TAF1L: variants seen among roughly 807,000 people sequenced by gnomAD.
TAF1L encodes TATA-box binding protein associated factor 1 like.
A neutral mutation model predicts 128.8 loss-of-function variants in TAF1L; 30 were observed. The observed-to-expected ratio is 0.23, with a 90% CI of 0.17 to 0.32. The LOEUF (loss-of-function observed/expected upper bound fraction) is 0.32. Among genes scored for constraint, TAF1L ranks in the 10% least tolerant of loss-of-function variants. The probability of loss-of-function intolerance (pLI) is 1.00; values close to 1 mark genes in which losing one functional copy is unlikely to be tolerated. For synonymous variants in TAF1L, 764 were observed against 790.7 expected, an observed-to-expected ratio of 0.97 and a Z score of 0.57; for missense variants, 2,099 against 2,253.7, an observed-to-expected ratio of 0.93 and a Z score of 1.39.
rs1822504782 is a variant in TAF1L at position 32,630,580 on chromosome 9, T to A, written c.5000A>T (p.Asp1667Val). 2 of 1,614,096 alleles carry A rather than the reference T, an allele frequency of 1.2e-6. No homozygotes were observed. Among genetic ancestry groups the A allele is most frequent in the Admixed American group, 1.7e-5 (1 of 60,010 alleles). The change falls in exon 1 of 1, where the codon GAT becomes GTT. Residue 1667 changes from aspartate to valine, a missense_variant. Physicochemically the swap from Asp to Val is radical, Grantham distance 152. Transcript: ENST00000242310. The stretch of plus-strand genomic sequence containing the variant: ...GAGGGATGTGTTGGTATCATACATA[T>A]CAGGAGGCTGAGATGTGTAGGGCCC... ...TPGPYTSQPP[D>V]MYDTNTSLST...
Position 32,635,054 on chromosome 9 carries a change from A to G in TAF1L, c.526T>C (p.Cys176Arg), listed in dbSNP as rs1822565384. ...KKDKDQDAIT[C>R]VSESGEDIIL... Reference sequence around the variant, plus strand: ...ATGTCTTCTCCACTTTCAGACACACAGGTAATAGCATCTTGGTCCTTATCC... The same window carrying G: ...ATGTCTTCTCCACTTTCAGACACACGGGTAATAGCATCTTGGTCCTTATCC... Residue 176 changes from cysteine to arginine, a missense_variant, in exon 1 of 1, where the codon TGT (cysteine) becomes CGT (arginine). Cys to Arg is a radical substitution (Grantham distance 180, BLOSUM62 -3). Transcript: ENST00000242310. 1 of 1,614,082 alleles carries G rather than the reference A, an allele frequency of 6.2e-7. No individual in the cohort carries two copies. The highest frequency in any genetic ancestry group is 1.3e-5 in the African/African-American group (1 of 75,010).
Position 32,633,501 on chromosome 9 carries a change from T to C in TAF1L, c.2079A>G (p.Lys693=). ...ATTCTGCAAGAATAAGATCTCCATC[T>C]TTGCCTGTGAGATCCTGAGGTGTGC... The part of the protein sequence containing the change: ...FMRTPQDLTG[K]DGDLILAEYS... The change falls in exon 1 of 1, where the codon AAA becomes AAG. Residue 693 remains lysine (K), a synonymous_variant. Coordinates refer to ENST00000242310, the MANE Select transcript of TAF1L (RefSeq NM_153809.2). 1 of 1,614,224 alleles carries C rather than the reference T, an allele frequency of 6.2e-7. No homozygotes were observed. Among genetic ancestry groups the C allele is most frequent in the Non-Finnish European group, 8.5e-7 (1 of 1,180,042 alleles).
At position 32,633,263 on chromosome 9, in the gene TAF1L, G is replaced by A; in HGVS notation, c.2317C>T (p.Leu773Phe). 6.2e-7 allele frequency: 1 copy of A among 1,614,144 alleles called. No homozygotes were observed. The highest frequency in any genetic ancestry group is 8.5e-7 in the Non-Finnish European group (1 of 1,180,020). ...AAATCAGTTTCTGGCATCTTATGAA[G>A]ATACACTGGAGCACGAAAAAGGTTG... ...ENNLFRAPVY[L>F]HKMPETDFLI... The change falls in exon 1 of 1, where the codon CTT (leucine) becomes TTT (phenylalanine). Residue 773 changes from leucine to phenylalanine, a missense_variant. By Grantham distance (22) the Leu-to-Phe change is conservative. Transcript: ENST00000242310.
In TAF1L at chr9:32,634,254, G is replaced by A; in HGVS notation, c.1326C>T (p.His442=). The A allele has an allele frequency of 6.2e-7, 1 of 1,614,158 alleles. No individual in the cohort carries two copies. The change falls in exon 1 of 1, where the codon CAC becomes CAT. Residue 442 remains histidine, a synonymous_variant. Coordinates refer to ENST00000242310, the MANE Select transcript of TAF1L (RefSeq NM_153809.2). The part of the protein sequence containing the change: ...SIIWDGEDIK[H]KGTKPQGASL... The stretch of plus-strand genomic sequence containing the variant: ...TTGCACCCTGAGGTTTTGTCCCTTT[G>A]TGTTTGATATCCTCCCCATCCCAGA...
Position 32,633,147 on chromosome 9 carries a change from A to G in TAF1L, c.2433T>C (p.Pro811=), listed in dbSNP as rs1287926197. Residue 811 remains proline, a synonymous_variant, in exon 1 of 1, where the codon CCT becomes CCC. Transcript: ENST00000242310. ...TATTGGCCCTTCTGGAGTTAGGCCC[A>G]GGAACTTCAAACAAGGGACACTGCT... ...VGQQCPLFEV[P]GPNSRRANMH... 2 of 1,614,138 alleles carry G rather than the reference A, an allele frequency of 1.2e-6. No individual in the cohort carries two copies. Among genetic ancestry groups the G allele is most frequent in the Non-Finnish European group, 1.7e-6 (2 of 1,180,048 alleles).
rs774885018 is a variant in TAF1L at position 32,632,274 on chromosome 9, T to C, written c.3306A>G (p.Leu1102=). ...QNKVLSSTEV[L]STDTDSISAE... ...CTGAGATGCTGTCTGTGTCAGTTGA[T>C]AAGACCTCAGTTGATGACAGAACCT... is the stretch of plus-strand genomic sequence containing the variant. Residue 1102 remains leucine, a synonymous_variant, in exon 1 of 1, where the codon TTA becomes TTG. Coordinates refer to ENST00000242310, the MANE Select transcript of TAF1L (RefSeq NM_153809.2). The surrounding 1 kb of genome is among the most constrained non-coding windows in gnomAD (Gnocchi z 4.4). 1 of 1,614,244 alleles carries C rather than the reference T, an allele frequency of 6.2e-7. No individual in the cohort carries two copies. The highest frequency in any genetic ancestry group is 8.5e-7 in the Non-Finnish European group (1 of 1,180,050).
At position 32,635,487 on chromosome 9, in the gene TAF1L, T is replaced by C; in HGVS notation, c.93A>G (p.Gly31=). The change falls in exon 1 of 1, where the codon GGA becomes GGG. Residue 31 remains glycine, a synonymous_variant. Transcript: ENST00000242310. ...SDSDSEEDSS[G]GGPFTLAGIL... is the part of the protein sequence containing the mutation. ...TACCCGCTAAAGTAAATGGGCCACC[T>C]CCAGATGAATCTTCCTCGCTGTCCG... 1 of 1,614,114 alleles carries C rather than the reference T, an allele frequency of 6.2e-7. No homozygotes were observed. Among genetic ancestry groups the C allele is most frequent in the Non-Finnish European group, 8.5e-7 (1 of 1,180,020 alleles).
At position 32,632,942 on chromosome 9, in the gene TAF1L, A is replaced by G. The variant is rs139281774; in HGVS notation, c.2638T>C (p.Trp880Arg). 385 of 1,614,230 alleles carry G rather than the reference A, an allele frequency of 2.4e-4. No individual in the cohort carries two copies. In the Middle Eastern group the frequency reaches 4.6e-3, roughly 19 times the overall value. The change falls in exon 1 of 1, where the codon TGG becomes CGG. Residue 880 changes from tryptophan to arginine, a missense_variant. Physicochemically the swap from Trp to Arg is moderately radical, Grantham distance 101. Coordinates refer to ENST00000242310, the MANE Select transcript of TAF1L (RefSeq NM_153809.2). This position sits in a 1 kb window ranked among gnomAD's most constrained non-coding sequence, Gnocchi z 4.4. The stretch of plus-strand genomic sequence containing the variant: ...CGAAAATCAGACTTAAGCACCCACC[A>G]GTTTGAATCCATCCCTGTGCGTTTG... ...DFKRTGMDSN[W>R]WVLKSDFRLP...
rs1407454905 is a variant in TAF1L at position 32,632,318 on chromosome 9, T to C, written c.3262A>G (p.Ile1088Val). 7 of 1,614,228 alleles carry C rather than the reference T, an allele frequency of 4.3e-6. No homozygotes were observed. The highest frequency in any genetic ancestry group is 2.2e-5 in the South Asian group (2 of 91,086). ...AGAACCTTGTTCTGTAGGTCAAAGATACGCTGACATTCCTCTTTGTAACGC... is the reference window on the plus strand; with the variant it reads ...AGAACCTTGTTCTGTAGGTCAAAGACACGCTGACATTCCTCTTTGTAACGC... The part of the protein sequence containing the change: ...QERYKEECQR[I>V]FDLQNKVLSS... Residue 1088 changes from isoleucine to valine, a missense_variant, in exon 1 of 1, where the codon ATC becomes GTC. Coordinates refer to ENST00000242310, the MANE Select transcript of TAF1L (RefSeq NM_153809.2). The surrounding 1 kb of genome is among the most constrained non-coding windows in gnomAD (Gnocchi z 4.4).
In TAF1L at chr9:32,633,171, C is replaced by T. The variant is rs759958242; in HGVS notation, c.2409G>A (p.Gln803=). The T allele has an allele frequency of 1.1e-5, 18 of 1,614,070 alleles. No individual in the cohort carries two copies. Among genetic ancestry groups the T allele is most frequent in the Non-Finnish European group, 1.5e-5 (18 of 1,180,038 alleles). Reference sequence around the variant, plus strand: ...CAGGAACTTCAAACAAGGGACACTGCTGGCCAACCACAAAAATATCCACTA... The same window carrying T: ...CAGGAACTTCAAACAAGGGACACTGTTGGCCAACCACAAAAATATCCACTA... ...RELVDIFVVG[Q]QCPLFEVPGP... is the part of the protein sequence containing the mutation. Residue 803 remains glutamine (Q), a synonymous_variant, in exon 1 of 1, where the codon CAG becomes CAA. Transcript: ENST00000242310.
Position 32,633,079 on chromosome 9 carries a change from A to C in TAF1L, c.2501T>G (p.Phe834Cys). The C allele has an allele frequency of 6.2e-7, 1 of 1,614,202 alleles. No individual in the cohort carries two copies. The highest frequency in any genetic ancestry group is 1.1e-5 in the South Asian group (1 of 91,090). The change falls in exon 1 of 1, where the codon TTC (phenylalanine) becomes TGC (cysteine). Residue 834 changes from phenylalanine to cysteine, a missense_variant. By Grantham distance (205) the Phe-to-Cys change is radical. Transcript: ENST00000242310. The stretch of plus-strand genomic sequence containing the variant: ...CCGTGGCCGATCTTTACTCTTCCAG[A>C]AAAGGCGGTAAATAAAAACCTGTAG... ...DFLQVFIYRL[F>C]WKSKDRPRRI... is the part of the protein sequence containing the mutation.
Position 32,630,077 on chromosome 9 carries a change from C to T in TAF1L, c.*22G>A. ...CATGGGAAGCCTCCCCACCGTCTCCCTCATGGGACATCATGCTTTCTTCAT... is the reference window on the plus strand; with the variant it reads ...CATGGGAAGCCTCCCCACCGTCTCCTTCATGGGACATCATGCTTTCTTCAT... On this transcript the variant is annotated 3_prime_UTR_variant, in exon 1 of 1. Transcript: ENST00000242310. 1 of 1,613,812 alleles carries T rather than the reference C, an allele frequency of 6.2e-7. No homozygotes were observed. Among genetic ancestry groups the T allele is most frequent in the Non-Finnish European group, 8.5e-7 (1 of 1,179,844 alleles).
rs1176416091 is a variant in TAF1L, at chr9:32,633,465, T to C, written c.2115A>G (p.Glu705=). Residue 705 remains glutamate, a synonymous_variant, in exon 1 of 1, where the codon GAA becomes GAG. Transcript: ENST00000242310. ...CAACCTGCATCATTAAGGGTCCATT[T>C]TCCTCACTATATTCTGCAAGAATAA... ...GDLILAEYSE[E]NGPLMMQVGM... The C allele has an allele frequency of 3.7e-6, 6 of 1,614,118 alleles. 1 individual carries two copies. Among genetic ancestry groups the C allele is most frequent in the South Asian group, 2.2e-5 (2 of 91,092 alleles).
chr9:32,629,888 T>G lies in TAF1L; in HGVS notation c.*211A>C. The G allele has an allele frequency of 1.1e-6, 1 of 917,908 alleles. No homozygotes were observed. Among genetic ancestry groups the G allele is most frequent in the East Asian group, 2.6e-5 (1 of 38,086 alleles). 56.9% of individuals were successfully genotyped at this position (917,908 alleles called of 1,614,324 possible). ...TGGCCAAGCTGGTCTCGAACTGACC[T>G]CAGGTGATCCACCCGCCTCGGCCTC... On this transcript the variant is annotated 3_prime_UTR_variant, in exon 1 of 1. Transcript: ENST00000242310.
At position 32,630,190 on chromosome 9, in the gene TAF1L, TCACTTC is replaced by T. The variant is rs755228438; in HGVS notation, c.5384_5389del (p.Gly1795_Ser1796del). ...TATTCCACCATATCCCACATCAGAGTCACTTCCACTTTCACTCAGCTGGATAGCAGA... is the reference window on the plus strand; with the variant it reads ...TATTCCACCATATCCCACATCAGAGTCACTTTCACTCAGCTGGATAGCAGA... On this transcript the variant is annotated inframe_deletion, in exon 1 of 1. Coordinates refer to ENST00000242310, the MANE Select transcript of TAF1L (RefSeq NM_153809.2). 1 of 1,614,134 alleles carries T rather than the reference TCACTTC, an allele frequency of 6.2e-7. No homozygotes were observed. Among genetic ancestry groups the T allele is most frequent in the Admixed American group, 1.7e-5 (1 of 60,018 alleles).
rs749153936 is a variant in TAF1L, at chr9:32,633,135, G to A, written c.2445C>T (p.Ser815=). The change falls in exon 1 of 1, where the codon TCC becomes TCT. Residue 815 remains serine, a synonymous_variant. Transcript: ENST00000242310. Reference sequence around the variant, plus strand: ...CTCGAATATGCATATTGGCCCTTCTGGAGTTAGGCCCAGGAACTTCAAACA... The same window carrying A: ...CTCGAATATGCATATTGGCCCTTCTAGAGTTAGGCCCAGGAACTTCAAACA... ...CPLFEVPGPN[S]RRANMHIRDF... is the part of the protein sequence containing the mutation. The A allele has an allele frequency of 2.5e-6, 4 of 1,614,060 alleles. No individual in the cohort carries two copies. In the Admixed American group the frequency reaches 6.7e-5, roughly 27 times the overall value.
chr9:32,634,441 C>A lies in TAF1L; in HGVS notation c.1139G>T (p.Gly380Val), dbSNP rs770181009. 1.2e-6 allele frequency: 2 copies of A among 1,614,048 alleles called. No homozygotes were observed. The highest frequency in any genetic ancestry group is 1.7e-6 in the Non-Finnish European group (2 of 1,180,044). ...TCTCAGTTTGAAGCCATAGTCAAACCCACTGCCATCTTCGGAGACACCCAG... is the reference window on the plus strand; with the variant it reads ...TCTCAGTTTGAAGCCATAGTCAAACACACTGCCATCTTCGGAGACACCCAG... ...DMLGVSEDGS[G>V]FDYGFKLRKT... The change falls in exon 1 of 1, where the codon GGG (glycine) becomes GTG (valine). Residue 380 changes from glycine to valine, a missense_variant. By Grantham distance (109) the Gly-to-Val change is moderately radical. Around this residue, in one of 4 missense-constraint regions of TAF1L, gnomAD observed 1,213 missense variants for 1,391.4 expected, o/e 0.87. Transcript: ENST00000242310.
rs150771265 is a variant in TAF1L, at chr9:32,630,523, T to C, written c.5057A>G (p.Asp1686Gly). Reference sequence around the variant, plus strand: ...ATCCAAGACAGACAAATTGCTCTCATCTTGAAATACAGAGGCATCTCGAGA... The same window carrying C: ...ATCCAAGACAGACAAATTGCTCTCACCTTGAAATACAGAGGCATCTCGAGA... ...STSRDASVFQ[D>G]ESNLSVLDIS... The change falls in exon 1 of 1, where the codon GAT (aspartate) becomes GGT (glycine). Residue 1686 changes from aspartate to glycine, a missense_variant. By Grantham distance (94) the Asp-to-Gly change is moderately conservative. Transcript: ENST00000242310. The C allele has an allele frequency of 3.2e-4, 520 of 1,614,168 alleles. 1 individual carries two copies. The African/African-American group carries it at 6.2e-3, about 19-fold the overall frequency.
In TAF1L at chr9:32,635,265, A is replaced by G; in HGVS notation, c.315T>C (p.Asp105=). The change falls in exon 1 of 1, where the codon GAT becomes GAC. Residue 105 remains aspartate, a synonymous_variant. Coordinates refer to ENST00000242310, the MANE Select transcript of TAF1L (RefSeq NM_153809.2). Reference sequence around the variant, plus strand: ...CATTGATGTCTGAATAGTCTACAGCATCTTCTGTACTCCTAATCCACCCTT... The same window carrying G: ...CATTGATGTCTGAATAGTCTACAGCGTCTTCTGTACTCCTAATCCACCCTT... ...NDEGWIRSTE[D]AVDYSDINEV... The G allele has an allele frequency of 6.2e-7, 1 of 1,614,132 alleles. No homozygotes were observed. The highest frequency in any genetic ancestry group is 8.5e-7 in the Non-Finnish European group (1 of 1,180,026).
Sources: allele counts gnomAD v4.1 joint callset, GRCh38; gene constraint gnomAD v4.1.1; regional missense constraint gnomAD v4.1.1; non-coding constraint Gnocchi (gnomAD v3.1); transcripts MANE v1.5; gene names NCBI Gene and HGNC (gene_info 2026-07-23, HGNC 2026-07-21).